ZFHX3: variants seen among roughly 807,000 people sequenced by gnomAD.
ZFHX3 encodes zinc finger homeobox protein 3.
Under a neutral mutation model 279.1 loss-of-function variants are expected in ZFHX3, and 42 were observed. That is an observed-to-expected ratio of 0.15 (90% confidence interval 0.12 to 0.19). ZFHX3 has a LOEUF of 0.19. Among genes scored for constraint, ZFHX3 ranks in the 10% least tolerant of loss-of-function variants. ZFHX3 has a pLI of 1.00. For missense variants in ZFHX3, 4,981 were observed against 4,754.0 expected (o/e 1.05, Z -1.40); for synonymous variants, 2,293 against 1,957.8 (o/e 1.17, Z -4.52).
At position 73,526,314 on chromosome 16, in the gene ZFHX3, C is replaced by T. The variant is rs190298809; in HGVS notation, c.-1546-70056G>A. ...GTGACAGGCCCAATGAGGGCCAGTG[C>T]GCTCTAGCAAGGCCTTATATTAATT... is the stretch of plus-strand genomic sequence containing the variant. On this transcript the variant is annotated intron_variant, in intron 2 of 17. Coordinates refer to the ZFHX3 transcript ENST00000641206. 1.1e-3 allele frequency among the ~76,000 whole-genome samples: 166 copies of T among 152,270 alleles called. 1 individual carries two copies. The highest frequency in any genetic ancestry group is 3.9e-3 in the African/African-American group (163 of 41,556).
intron 7 of ZFHX3, among the ~76,000 whole-genome samples, chr16:72,805,796 A>C (rs2036246336): frequency 1.3e-5 from 2 of 152,218 alleles, no homozygotes; most frequent in African/African-American, 4.8e-5. Flanking sequence ...TCCCCACCCC[A>C]CTTTACAGTC....
At chr16:73,607,798 G>T (rs1446301698) in intron 2 of ZFHX3, among the ~76,000 whole-genome samples, 1 of 152,180 alleles carries the variant, frequency 6.6e-6, no homozygotes, top group East Asian at 1.9e-4. Flanking sequence ...CTGTGCGGTG[G>T]CTCATGCCTG....
At chr16:73,770,916 A>G (rs776067471) in intron 1 of ZFHX3, among the ~76,000 whole-genome samples, 1 of 152,208 alleles carries the variant, frequency 6.6e-6, no homozygotes, top group Non-Finnish European at 1.5e-5. Flanking sequence ...TGGATGGATC[A>G]CTTTTCTCCC....
chr16:73,748,639 T>A (rs1255264637), intron 1 of ZFHX3, among the ~76,000 whole-genome samples: 1 of 152,214 alleles, frequency 6.6e-6, no homozygotes, highest in African/African-American at 2.4e-5. Context: ...TCCAGGCTTA[T>A]CTACATTCAT....
At chr16:73,198,119 AG>A (rs1478410254) in intron 5 of ZFHX3, among the ~76,000 whole-genome samples, 5 of 151,370 alleles carry the variant, frequency 3.3e-5, no homozygotes, top group Admixed American at 6.6e-5. Flanking sequence ...TTGTATTTTT[AG>A]TAGAGGTGGG....
At chr16:73,384,294 C>G (rs530074474) in intron 3 of ZFHX3, among the ~76,000 whole-genome samples, 3 of 152,210 alleles carry the variant, frequency 2.0e-5, no homozygotes, top group Non-Finnish European at 4.4e-5. Context: ...GTAGTTACAA[C>G]GAGATCATAT....
At chr16:73,494,654 G>A (rs2019108118) in intron 2 of ZFHX3, among the ~76,000 whole-genome samples, 1 of 151,640 alleles carries the variant, frequency 6.6e-6, no homozygotes, top group African/African-American at 2.4e-5. Flanking sequence ...TCCGCCCACG[G>A]GTTCAAGCGA....
At chr16:72,789,005 C>T (rs1468062213) in intron 9 of ZFHX3, 157 bp from the exon 10 acceptor site, 1 of 1,151,146 alleles carries the variant, frequency 8.7e-7, no homozygotes, top group Non-Finnish European at 1.2e-6. Flanking sequence ...TCCCACCAGG[C>T]TCAGGGCTGG....
intron 1 of ZFHX3, among the ~76,000 whole-genome samples, chr16:73,710,622 A>C (rs542977652): frequency 4.5e-4 from 69 of 152,246 alleles, no homozygotes; most frequent in African/African-American, 1.6e-3. Context: ...AGAGAGACCC[A>C]CACCTGGCTT....
chr16:73,265,268 G>T (rs1567434519), intron 4 of ZFHX3, among the ~76,000 whole-genome samples: 1 of 152,142 alleles, frequency 6.6e-6, no homozygotes, highest in African/African-American at 2.4e-5. Context: ...GGCGGAATCG[G>T]CTGGGGATCT....
rs550957366 is a variant in ZFHX3, at chr16:73,749,359, C to T, written c.-1607-69119G>A. Among the ~76,000 whole-genome samples, 8 of 150,032 alleles carry T rather than the reference C, an allele frequency of 5.3e-5. No individual in the cohort carries two copies. The South Asian group carries it at 1.7e-3, about 31-fold the overall frequency. ...AGCAACAGCACCACCACCACCACCACCACTTCCAGGTAGGAACCCTACCTT... is the reference window on the plus strand; with the variant it reads ...AGCAACAGCACCACCACCACCACCATCACTTCCAGGTAGGAACCCTACCTT... On this transcript the variant is annotated intron_variant, in intron 1 of 17. Coordinates refer to the ZFHX3 transcript ENST00000641206.
At chr16:73,796,169 T>C (rs375343337) in intron 1 of ZFHX3, among the ~76,000 whole-genome samples, 19 of 152,318 alleles carry the variant, frequency 1.2e-4, no homozygotes, top group Admixed American at 6.5e-4. Flanking sequence ...TTATTATTCA[T>C]GCTCAGAGAA....
chr16:73,248,656 T>C (rs2144953058), intron 5 of ZFHX3, among the ~76,000 whole-genome samples: 2 of 151,958 alleles, frequency 1.3e-5, no homozygotes, highest in Admixed American at 1.3e-4. Flanking sequence ...TGTGTGTGTG[T>C]GTGTGTGTGC....
intron 2 of ZFHX3, among the ~76,000 whole-genome samples, chr16:73,518,328 T>C (rs1296345692): frequency 2.6e-5 from 4 of 152,252 alleles, no homozygotes; most frequent in Admixed American, 6.5e-5. Context: ...CTTATTTCCC[T>C]GAATAAGGAC....
rs546761843 is a variant in ZFHX3 at position 73,541,786 on chromosome 16, C to CTTTTTTTT, written c.-1546-85536_-1546-85529dup. Among the ~76,000 whole-genome samples the CTTTTTTTT allele has an allele frequency of 2.0e-4, 18 of 88,138 alleles. 1 individual carries two copies. Among genetic ancestry groups the CTTTTTTTT allele is most frequent in the African/African-American group, 7.4e-4 (18 of 24,420 alleles). 57.8% of individuals were successfully genotyped at this position (88,138 alleles called of 152,430 possible). ...TCCTGCCCTCCTGTTTGGTGGTTCT[C>CTTTTTTTT]TTTTTTTTTTTTTTTTTTTTTTTTT... On this transcript the variant is annotated intron_variant, in intron 2 of 17. Transcript: ENST00000641206.
rs536284785 is a variant in ZFHX3, at chr16:73,538,417, C to T, written c.-1546-82159G>A. ...ACCTCAATTTCAGCTCTGAAGGTATCATCATTAATTGCGTGAAGTACATCA... is the reference window on the plus strand; with the variant it reads ...ACCTCAATTTCAGCTCTGAAGGTATTATCATTAATTGCGTGAAGTACATCA... On this transcript the variant is annotated intron_variant, in intron 2 of 17. Coordinates refer to the ZFHX3 transcript ENST00000641206. Among the ~76,000 whole-genome samples, 58 of 152,264 alleles carry T rather than the reference C, an allele frequency of 3.8e-4. No homozygotes were observed. In the South Asian group the frequency reaches 0.011, roughly 30 times the overall value.
At chr16:73,642,915 G>A (rs1486542235) in intron 2 of ZFHX3, among the ~76,000 whole-genome samples, 3 of 152,264 alleles carry the variant, frequency 2.0e-5, no homozygotes, top group Middle Eastern at 3.4e-3. Flanking sequence ...AGCCCAATTC[G>A]AAGTCTGACC....
chr16:73,097,435 A>G (rs1490956125), intron 7 of ZFHX3, among the ~76,000 whole-genome samples: 1 of 151,924 alleles, frequency 6.6e-6, no homozygotes, highest in African/African-American at 2.4e-5. Context: ...GTCTTTTCTA[A>G]CTTGTTTATG....
At position 73,569,242 on chromosome 16, in the gene ZFHX3, A is replaced by G. The variant is rs747116246; in HGVS notation, c.-1547+110938T>C. ...TTATGTCACCTTCCTGTCGTTACCA[A>G]TGCAATTCTGTGAGTCTTCCGTGGG... On this transcript the variant is annotated intron_variant, in intron 2 of 17. Coordinates refer to the ZFHX3 transcript ENST00000641206. Among the ~76,000 whole-genome samples, 5 of 152,188 alleles carry G rather than the reference A, an allele frequency of 3.3e-5. 1 individual carries two copies. The highest frequency in any genetic ancestry group is 2.6e-4 in the Admixed American group (4 of 15,284).
Sources: gnomAD v4.1 joint callset for allele counts (sites outside exome capture counted in the v4.1 genomes callset) on GRCh38, gnomAD v4.1.1 for gene constraint, MANE v1.5 for transcripts, NCBI Gene and HGNC (gene_info 2026-07-23, HGNC 2026-07-21) for gene names.